Variants in TET1 observed in about 807,000 individuals in gnomAD.
TET1 encodes the protein tet methylcytosine dioxygenase 1, also known as methylcytosine dioxygenase TET1.
In TET1, 13 loss-of-function variants were observed where a neutral mutation model predicts 148.7. The observed-to-expected ratio is 0.09, with a 90% CI of 0.06 to 0.14. TET1 has a LOEUF of 0.14. Ranked by LOEUF, TET1 falls within the 10% of genes least tolerant of loss-of-function variation. The pLI is 1.00. For missense variants in TET1, 2,182 were observed against 2,553.8 expected (o/e 0.85, Z 3.14); for synonymous variants, 907 against 937.2 (o/e 0.97, Z 0.59).
chr10:68,561,163 G>A (rs1303302737), intron 1 of TET1, among the ~76,000 whole-genome samples: 1 of 152,162 alleles, frequency 6.6e-6, no homozygotes, highest in African/African-American at 2.4e-5. Context: ...GGGGCGCCTC[G>A]GGGTGAGGAG....
At chr10:68,566,756 A>G (rs1384563742) in intron 1 of TET1, among the ~76,000 whole-genome samples, 1 of 152,074 alleles carries the variant, frequency 6.6e-6, no homozygotes, top group Non-Finnish European at 1.5e-5. Flanking sequence ...GTTCTGGAGA[A>G]TATAGCAAAC....
At chr10:68,622,722 G>A (rs901087488) in intron 3 of TET1, among the ~76,000 whole-genome samples, 6 of 151,840 alleles carry the variant, frequency 4.0e-5, no homozygotes, top group Non-Finnish European at 8.8e-5. Flanking sequence ...CTGTTATTTT[G>A]TAGAATGTCC....
At chr10:68,629,218 ATC>A (rs902274611) in intron 3 of TET1, among the ~76,000 whole-genome samples, 6 of 152,010 alleles carry the variant, frequency 3.9e-5, no homozygotes, top group African/African-American at 1.4e-4. Flanking sequence ...TGTGAAAATT[ATC>A]TGGGTGTGGT....
chr10:68,605,055 T>A (rs2054104734), intron 3 of TET1, among the ~76,000 whole-genome samples: 1 of 152,210 alleles, frequency 6.6e-6, no homozygotes, highest in African/African-American at 2.4e-5. Flanking sequence ...TCAGTGGATA[T>A]TAAACTAGGA....
chr10:68,620,471 T>C (rs1158995816), intron 3 of TET1, among the ~76,000 whole-genome samples: 1 of 152,190 alleles, frequency 6.6e-6, no homozygotes, highest in African/African-American at 2.4e-5. Flanking sequence ...CAAGTTTATC[T>C]GTTGTAGCAT....
chr10:68,624,970 G>C (rs1038910113), intron 3 of TET1, among the ~76,000 whole-genome samples: 1 of 151,348 alleles, frequency 6.6e-6, no homozygotes, highest in Non-Finnish European at 1.5e-5. Flanking sequence ...TCCTGACCTC[G>C]TGATCTGCCC....
At chr10:68,654,735 C>T (rs1268010605) in intron 6 of TET1, among the ~76,000 whole-genome samples, 1 of 152,198 alleles carries the variant, frequency 6.6e-6, no homozygotes, top group Non-Finnish European at 1.5e-5. Flanking sequence ...CCATGAGTAA[C>T]ATGAAGGCCT....
rs2053671824 is a variant in TET1 at position 68,571,662 on chromosome 10, T to C, written c.-122-555T>C. ...ATCCACCTGCCTTGGCCTCCCAAAGTGCTGGGATTACAGGCATGAGCCACC... is the reference window on the plus strand; with the variant it reads ...ATCCACCTGCCTTGGCCTCCCAAAGCGCTGGGATTACAGGCATGAGCCACC... On this transcript the variant is annotated intron_variant, in intron 1 of 11. Coordinates refer to ENST00000373644, the MANE Select transcript of TET1 (RefSeq NM_030625.3). Among the ~76,000 whole-genome samples, 7 of 152,102 alleles carry C rather than the reference T, an allele frequency of 4.6e-5. No homozygotes were observed. The South Asian group carries it at 1.5e-3, about 32-fold the overall frequency.
rs528262112 is a variant in TET1 at position 68,628,899 on chromosome 10, C to T, written c.1969-15799C>T. ...ATGAGAGTTTCATATTAGAAGGAGCCCCTTAAAACTGCAGTCTAATGTTTG... is the reference window on the plus strand; with the variant it reads ...ATGAGAGTTTCATATTAGAAGGAGCTCCTTAAAACTGCAGTCTAATGTTTG... On this transcript the variant is annotated intron_variant, in intron 3 of 11. Transcript: ENST00000373644. 6.8e-4 allele frequency among the ~76,000 whole-genome samples: 104 copies of T among 152,176 alleles called. 1 individual carries two copies. The highest frequency in any genetic ancestry group is 2.5e-3 in the African/African-American group (102 of 41,498).
At chr10:68,563,265 G>T (rs143880736) in intron 1 of TET1, among the ~76,000 whole-genome samples, 10 of 152,164 alleles carry the variant, frequency 6.6e-5, no homozygotes, top group Non-Finnish European at 1.3e-4. Flanking sequence ...TACATGTGCC[G>T]AGGGCTCTCA....
At chr10:68,594,600 A>G (rs559184581) in intron 2 of TET1, among the ~76,000 whole-genome samples, 1 of 152,256 alleles carries the variant, frequency 6.6e-6, no homozygotes, top group South Asian at 2.1e-4. Flanking sequence ...CTATTACTCC[A>G]CCCAGTCTTC....
At chr10:68,569,034 T>C (rs891363759) in intron 1 of TET1, among the ~76,000 whole-genome samples, 2 of 152,170 alleles carry the variant, frequency 1.3e-5, no homozygotes, top group Non-Finnish European at 2.9e-5. Context: ...GAGTCTTATT[T>C]GTAACCTAAT....
intron 1 of TET1, among the ~76,000 whole-genome samples, chr10:68,567,343 A>G (rs938929712): frequency 1.3e-5 from 2 of 151,628 alleles, no homozygotes; most frequent in Admixed American, 6.6e-5. Context: ...GGGTCCTAGG[A>G]TTACCTAGGT....
intron 3 of TET1, among the ~76,000 whole-genome samples, chr10:68,624,616 C>CTT (rs1445892315): frequency 6.9e-5 from 2 of 28,874 alleles, no homozygotes; most frequent in Non-Finnish European, 1.2e-4. Context: ...TTCTTTCTTT[C>CTT]TTTCTTTCTT....
At chr10:68,628,052 C>T (rs1286719447) in intron 3 of TET1, among the ~76,000 whole-genome samples, 7 of 152,052 alleles carry the variant, frequency 4.6e-5, no homozygotes, top group Admixed American at 4.6e-4. Flanking sequence ...GGCTGGAGTG[C>T]AGTGGCGTGA....
At chr10:68,641,194 A>G (rs2054747869) in intron 3 of TET1, among the ~76,000 whole-genome samples, 1 of 151,796 alleles carries the variant, frequency 6.6e-6, no homozygotes, top group Non-Finnish European at 1.5e-5. Flanking sequence ...TTAATCTTAG[A>G]CATTTTTATT....
chr10:68,606,365 T>TCAAA (rs749184978), intron 3 of TET1, among the ~76,000 whole-genome samples: 9 of 152,162 alleles, frequency 5.9e-5, no homozygotes, highest in East Asian at 3.9e-4. Context: ...AGACTCCCTC[T>TCAAA]CAAACAAACA....
intron 10 of TET1, among the ~76,000 whole-genome samples, chr10:68,683,286 A>G (rs895700526): frequency 2.0e-5 from 3 of 151,748 alleles, no homozygotes; most frequent in Admixed American, 1.3e-4. Context: ...TTATTTATTT[A>G]TTTATTTTTT....
intron 10 of TET1, 93 bp from the exon 11 acceptor site, chr10:68,686,263 T>C: frequency 9.0e-7 from 1 of 1,111,382 alleles, no homozygotes; most frequent in East Asian, 2.4e-5. Flanking sequence ...TACAAATCTC[T>C]TTCCCAAAGG....
Sources: allele counts gnomAD v4.1 joint callset (sites outside exome capture counted in the v4.1 genomes callset), GRCh38; gene constraint gnomAD v4.1.1; transcripts MANE v1.5; gene names NCBI Gene and HGNC (gene_info 2026-07-23, HGNC 2026-07-21).